The following ADAMTS17 variants were observed in gnomAD, a reference collection of about 807,000 sequenced individuals.
ADAMTS17 encodes A disintegrin and metalloproteinase with thrombospondin motifs 17.
A neutral mutation model predicts 141.5 loss-of-function variants in ADAMTS17; 113 were observed. That is an observed-to-expected ratio of 0.80 (90% CI 0.69 to 0.93). The LOEUF is 0.93. Ranked by LOEUF, ADAMTS17 falls within the 40% of genes least tolerant of loss-of-function variation. The pLI is 0.00. For missense variants in ADAMTS17, 1,659 were observed against 1,517.9 expected (o/e 1.09, Z -1.54); for synonymous variants, 768 against 630.6 (o/e 1.22, Z -3.27).
At chr15:99,986,164 G>C (rs2060582030) in intron 20 of ADAMTS17, among the ~76,000 whole-genome samples, 1 of 152,364 alleles carries the variant, frequency 6.6e-6, no homozygotes, top group South Asian at 2.1e-4. Context: ...TGGGGCAGGG[G>C]GGTTCAGGCC....
intron 7 of ADAMTS17, among the ~76,000 whole-genome samples, chr15:100,228,123 G>A (rs1048374122): frequency 2.0e-5 from 3 of 152,064 alleles, no homozygotes; most frequent in Non-Finnish European, 2.9e-5. Context: ...ACTCTTTCTT[G>A]CTTCAAGGCT....
chr15:100,274,377 G>C (rs2044011168), intron 4 of ADAMTS17, among the ~76,000 whole-genome samples: 1 of 152,112 alleles, frequency 6.6e-6, no homozygotes, highest in African/African-American at 2.4e-5. Flanking sequence ...ATTTATAACT[G>C]TTATATCTTC....
intron 15 of ADAMTS17, among the ~76,000 whole-genome samples, chr15:100,057,372 C>T (rs1376755265): frequency 1.3e-5 from 2 of 152,254 alleles, no homozygotes; most frequent in East Asian, 1.9e-4. Flanking sequence ...ACCACAGCCA[C>T]ACCAGGGCCT....
At chr15:100,060,150 G>A (rs1037161659) in intron 15 of ADAMTS17, among the ~76,000 whole-genome samples, 2 of 152,230 alleles carry the variant, frequency 1.3e-5, no homozygotes, top group African/African-American at 2.4e-5. Context: ...CTGAAGCTCT[G>A]GTTTGCTGGG....
chr15:100,262,893 C>A (rs2043579411), intron 4 of ADAMTS17, among the ~76,000 whole-genome samples: 1 of 151,448 alleles, frequency 6.6e-6, no homozygotes. Flanking sequence ...GAAACATAAC[C>A]CAGATTTTAT....
Position 100,259,792 on chromosome 15 carries a change from G to C in ADAMTS17, c.1031+1687C>G, listed in dbSNP as rs190942396. Among the ~76,000 whole-genome samples the C allele has an allele frequency of 3.2e-4, 48 of 152,344 alleles. No homozygotes were observed. The East Asian group carries it at 4.6e-3, about 15-fold the overall frequency. ...ATCGACGAACCATCCACAAGAGTGAGCAGGCATCCATTTGGCAATGGGTGG... is the reference window on the plus strand; with the variant it reads ...ATCGACGAACCATCCACAAGAGTGACCAGGCATCCATTTGGCAATGGGTGG... On this transcript the variant is annotated intron_variant, in intron 6 of 21. Transcript: ENST00000268070.
At chr15:100,178,780 A>AT (rs1316682361) in intron 8 of ADAMTS17, among the ~76,000 whole-genome samples, 1 of 152,060 alleles carries the variant, frequency 6.6e-6, no homozygotes, top group Non-Finnish European at 1.5e-5. Context: ...CTGAGAATGT[A>AT]TTTTTTCTTC....
chr15:100,047,107 T>C (rs113117767), intron 18 of ADAMTS17, among the ~76,000 whole-genome samples: 5,321 of 151,964 alleles, frequency 0.035, 309 homozygotes, highest in African/African-American at 0.12. Flanking sequence ...CTTCTATGGT[T>C]GAGACAGTAG....
intron 12 of ADAMTS17, chr15:100,125,974 C>T (rs2037711873): frequency 6.6e-6 from 1 of 152,186 alleles, no homozygotes; most frequent in Non-Finnish European, 1.5e-5. Context: ...AGCCTGAGAC[C>T]TACATAGCAG....
intron 3 of ADAMTS17, among the ~76,000 whole-genome samples, chr15:100,298,682 G>A (rs2044912879): frequency 6.6e-6 from 1 of 152,130 alleles, no homozygotes; most frequent in African/African-American, 2.4e-5. Flanking sequence ...AAGAAAGAGA[G>A]AAAATGCCAG....
chr15:100,165,975 G>C (rs993331524), intron 8 of ADAMTS17, among the ~76,000 whole-genome samples: 1 of 151,956 alleles, frequency 6.6e-6, no homozygotes, highest in Non-Finnish European at 1.5e-5. Flanking sequence ...TCTATAAAAA[G>C]TCATTCTAAT....
chr15:100,196,486 C>A (rs79264807), intron 8 of ADAMTS17, among the ~76,000 whole-genome samples: 1 of 152,220 alleles, frequency 6.6e-6, no homozygotes, highest in African/African-American at 2.4e-5. Flanking sequence ...AATCGCCCTA[C>A]GACGCACATT....
intron 3 of ADAMTS17, among the ~76,000 whole-genome samples, chr15:100,294,719 G>T (rs1305209899): frequency 6.6e-6 from 1 of 152,170 alleles, no homozygotes; most frequent in Non-Finnish European, 1.5e-5. Context: ...AATACCAGTT[G>T]TAAGAGGGGC....
At chr15:100,217,560 T>C (rs974434842) in intron 7 of ADAMTS17, among the ~76,000 whole-genome samples, 2 of 152,130 alleles carry the variant, frequency 1.3e-5, no homozygotes, top group East Asian at 1.9e-4. Flanking sequence ...GATCATGCCA[T>C]TGCACTCCAG....
At chr15:100,313,196 A>G (rs2045458588) in intron 3 of ADAMTS17, among the ~76,000 whole-genome samples, 1 of 152,212 alleles carries the variant, frequency 6.6e-6, no homozygotes, top group Non-Finnish European at 1.5e-5. Flanking sequence ...ACTAATATCT[A>G]AACTGAAAAT....
rs117497043 is a variant in ADAMTS17 at position 99,982,152 on chromosome 15, G to C, written c.2950-5930C>G. ...CAGTGTGGAATAGGAGCCTAGCCGG[G>C]GGTCTCAGATAGAGTGGAGCTCCAC... is the stretch of plus-strand genomic sequence containing the variant. On this transcript the variant is annotated intron_variant, in intron 20 of 21. Transcript: ENST00000268070. Among the ~76,000 whole-genome samples, 104 of 152,328 alleles carry C rather than the reference G, an allele frequency of 6.8e-4. 4 individuals are homozygous for C. In the East Asian group the frequency reaches 0.018, roughly 27 times the overall value.
At position 100,236,653 on chromosome 15, in the gene ADAMTS17, C is replaced by T. The variant is rs937010266; in HGVS notation, c.1075+17483G>A. ...AGGAGGTTGAGACCAGCCTGGGAAACGCTGTAAGACCTTGTTTCTACATAA... is the reference window on the plus strand; with the variant it reads ...AGGAGGTTGAGACCAGCCTGGGAAATGCTGTAAGACCTTGTTTCTACATAA... On this transcript the variant is annotated intron_variant, in intron 7 of 21. Coordinates refer to ENST00000268070, the MANE Select transcript of ADAMTS17 (RefSeq NM_139057.4). 1.1e-4 allele frequency among the ~76,000 whole-genome samples: 16 copies of T among 152,236 alleles called. No individual in the cohort carries two copies. In the East Asian group the frequency reaches 1.2e-3, roughly 11 times the overall value.
At chr15:100,269,489 C>T (rs551321242) in intron 4 of ADAMTS17, among the ~76,000 whole-genome samples, 5 of 152,280 alleles carry the variant, frequency 3.3e-5, no homozygotes, top group Admixed American at 2.6e-4. Flanking sequence ...GCATCTATTG[C>T]TGTATTCATT....
chr15:100,201,528 C>T (rs781478832), intron 7 of ADAMTS17, among the ~76,000 whole-genome samples: 1 of 152,238 alleles, frequency 6.6e-6, no homozygotes, highest in Non-Finnish European at 1.5e-5. Flanking sequence ...CCTCCTTCCT[C>T]ATCCGCTCCA....
Sources: gnomAD v4.1 joint callset for allele counts (sites outside exome capture counted in the v4.1 genomes callset) on GRCh38, gnomAD v4.1.1 for gene constraint, MANE v1.5 for transcripts, NCBI Gene and HGNC (gene_info 2026-07-23, HGNC 2026-07-21) for gene names.